MMP19: variants seen among roughly 807,000 people sequenced by gnomAD.
MMP19 encodes the protein matrix metalloproteinase-19.
Under a neutral mutation model 46.6 loss-of-function variants are expected in MMP19, and 47 were observed. The ratio of observed to expected loss-of-function variants is 1.01; its 90% CI spans 0.80 to 1.29. The LOEUF is 1.29. Ranked by LOEUF, MMP19 falls within the 50% of genes most tolerant of loss-of-function variation. MMP19 has a pLI of 0.00. For synonymous variants in MMP19, 222 were observed against 248.5 expected, an observed-to-expected ratio of 0.89 and a Z score of 1.00; for missense variants, 589 against 643.5, an observed-to-expected ratio of 0.92 and a Z score of 0.92.
intron 3 of MMP19, 102 bp from the exon 4 acceptor site, chr12:55,840,984 C>A: frequency 6.5e-7 from 1 of 1,531,546 alleles, no homozygotes; most frequent in Non-Finnish European, 8.8e-7. Flanking sequence ...AGGTGACAAC[C>A]AGGTAATCAC....
rs973401115 is a variant in MMP19 at position 55,838,692 on chromosome 12, GTCTC to G, written c.805_808del (p.Glu269GlnfsTer27). On this transcript the variant is annotated frameshift_variant, in exon 6 of 9. Transcript: ENST00000322569. LOFTEE classifies it high-confidence loss of function. ...CACTGGGGGCACAGTGGGCAGCTCTGTCTCTTCTTCTTCCTCATCCCTTATCACT... is the reference window on the plus strand; with the variant it reads ...CACTGGGGGCACAGTGGGCAGCTCTGTTCTTCTTCCTCATCCCTTATCACT... 3.7e-6 allele frequency: 6 copies of G among 1,611,736 alleles called. No individual in the cohort carries two copies. The Admixed American group carries it at 1.0e-4, about 27-fold the overall frequency.
rs757216738 is a variant in MMP19 at position 55,841,237 on chromosome 12, C to T, written c.174-1G>A. 6.2e-7 allele frequency: 1 copy of T among 1,611,824 alleles called. No homozygotes were observed. The highest frequency in any genetic ancestry group is 1.1e-5 in the South Asian group (1 of 91,070). On this transcript the variant is annotated splice_acceptor_variant, in intron 2 of 8. Coordinates refer to ENST00000322569, the MANE Select transcript of MMP19 (RefSeq NM_002429.6). LOFTEE classifies it high-confidence loss of function. Reference sequence around the variant, plus strand: ...AAGTTCAGATGCTTCCTGAAAAGCTCTGAAGGAGGGAGAGGGATGGGTCTA... The same window carrying T: ...AAGTTCAGATGCTTCCTGAAAAGCTTTGAAGGAGGGAGAGGGATGGGTCTA...
In MMP19 at chr12:55,837,961, A is replaced by G; in HGVS notation, c.942T>C (p.Thr314=). The G allele has an allele frequency of 6.2e-7, 1 of 1,609,442 alleles. No individual in the cohort carries two copies. Among genetic ancestry groups the G allele is most frequent in the Non-Finnish European group, 8.5e-7 (1 of 1,176,214 alleles). The change falls in exon 7 of 9, where the codon ACT becomes ACC. Residue 314 remains threonine (T), a synonymous_variant. Coordinates refer to ENST00000322569, the MANE Select transcript of MMP19 (RefSeq NM_002429.6). Reference sequence around the variant, plus strand: ...AGGGGCCCGGTCCTGAATCTGATACAGTCCACACATAGTCCCCCTTGAAAG... The same window carrying G: ...AGGGGCCCGGTCCTGAATCTGATACGGTCCACACATAGTCCCCCTTGAAAG... The part of the protein sequence containing the change: ...TYAFKGDYVW[T]VSDSGPGPLF...
At chr12:55,837,738 G>A (rs1023957354) in intron 7 of MMP19, 56 bp from the exon 8 acceptor site, 54 of 1,608,212 alleles carry the variant, frequency 3.4e-5, no homozygotes, top group Non-Finnish European at 4.5e-5. Context: ...ATAGCTTTTG[G>A]TCTCCTCCGG....
rs749046078 is a variant in MMP19 at position 55,838,773 on chromosome 12, C to T, written c.767-39G>A. On this transcript the variant is annotated intron_variant, in intron 5 of 8. Coordinates refer to ENST00000322569, the MANE Select transcript of MMP19 (RefSeq NM_002429.6). ...TAATGCTGCTTAGGGAGAGAACTCA[C>T]AGCACCTGTCCTCCACACCAGTCTC... 1.1e-5 allele frequency: 17 copies of T among 1,503,768 alleles called. 1 individual carries two copies. The South Asian group carries it at 1.6e-4, about 14-fold the overall frequency. 93.2% of individuals were successfully genotyped at this position (1,503,768 alleles called of 1,614,324 possible). A position where few individuals can be genotyped will look rare whatever the true frequency, so the allele number is the denominator to read the frequency against.
intron 2 of MMP19, 146 bp from the exon 3 acceptor site, chr12:55,841,382 G>T: frequency 2.4e-6 from 2 of 818,544 alleles, no homozygotes; most frequent in South Asian, 3.4e-5. Context: ...CCAGCCTCCA[G>T]TCCTCATAAC....
chr12:55,841,229 GA>G lies in MMP19; in HGVS notation c.180del (p.Gln61ArgfsTer20), dbSNP rs1414628430. ...GAGACTGGAAGTTCAGATGCTTCCTGAAAAGCTCTGAAGGAGGGAGAGGGAT... is the reference window on the plus strand; with the variant it reads ...GAGACTGGAAGTTCAGATGCTTCCTGAAAGCTCTGAAGGAGGGAGAGGGAT... ...PEDITEALRA[F>X]QEASELPVSG... is the part of the protein sequence containing the mutation. On this transcript the variant is annotated frameshift_variant, in exon 3 of 9. Coordinates refer to ENST00000322569, the MANE Select transcript of MMP19 (RefSeq NM_002429.6). LOFTEE classifies it high-confidence loss of function. 1 of 1,612,540 alleles carries G rather than the reference GA, an allele frequency of 6.2e-7. No individual in the cohort carries two copies. The highest frequency in any genetic ancestry group is 2.2e-5 in the East Asian group (1 of 44,878).
rs1490845884 is a variant in MMP19 at position 55,835,805 on chromosome 12, A to ACCTCCG, written c.*1225_*1230dup. The ACCTCCG allele has an allele frequency of 7.0e-5, 5 of 71,578 alleles. No individual in the cohort carries two copies. The highest frequency in any genetic ancestry group is 1.2e-4 in the Non-Finnish European group (4 of 33,596). The allele number at this position is 71,578 out of a possible 1,614,324, so 4.4% of individuals were successfully genotyped here. ...ATAGGCTTAAACTACCCCCACCCCCACCTCCGCCTCCTACCTCAGCTGGGA... is the reference window on the plus strand; with the variant it reads ...ATAGGCTTAAACTACCCCCACCCCCACCTCCGCCTCCGCCTCCTACCTCAGCTGGGA... On this transcript the variant is annotated 3_prime_UTR_variant, in exon 9 of 9. Transcript: ENST00000322569.
At position 55,840,660 on chromosome 12, in the gene MMP19, T is replaced by G; in HGVS notation, c.520+7A>C. On this transcript the variant is annotated splice_region_variant and intron_variant, in intron 4 of 8. Coordinates refer to ENST00000322569, the MANE Select transcript of MMP19 (RefSeq NM_002429.6). ...CTATGAGGTGGGAACTGAGAACTGT[T>G]GCCTACCAGGCCCATCAAAAGTATT... 6.2e-7 allele frequency: 1 copy of G among 1,611,748 alleles called. No individual in the cohort carries two copies. The highest frequency in any genetic ancestry group is 8.5e-7 in the Non-Finnish European group (1 of 1,178,452).
Position 55,837,314 on chromosome 12 carries a change from G to T in MMP19, c.1249C>A (p.Pro417Thr). Residue 417 changes from proline to threonine, a missense_variant, in exon 9 of 9, where the codon CCA becomes ACA. Coordinates refer to ENST00000322569, the MANE Select transcript of MMP19 (RefSeq NM_002429.6). ...ARTDFSSYPK[P>T]IKGLFTGVPN... ...ACTCCCGTAAACAAACCCTTGATTGGTTTGGGGTAGCTGCTGAAGTCAGTT... is the reference window on the plus strand; with the variant it reads ...ACTCCCGTAAACAAACCCTTGATTGTTTTGGGGTAGCTGCTGAAGTCAGTT... 1 of 1,612,740 alleles carries T rather than the reference G, an allele frequency of 6.2e-7. No homozygotes were observed. The highest frequency in any genetic ancestry group is 1.3e-5 in the African/African-American group (1 of 75,002).
At chr12:55,841,974 A>G (rs983478793) in intron 2 of MMP19, among the ~76,000 whole-genome samples, 9 of 152,238 alleles carry the variant, frequency 5.9e-5, no homozygotes, top group African/African-American at 1.4e-4. Context: ...TTACATCAAC[A>G]TATAAAACTA....
In MMP19 at chr12:55,841,193, C is replaced by T. The variant is rs1009762286; in HGVS notation, c.217G>A (p.Asp73Asn). The T allele has an allele frequency of 1.9e-6, 3 of 1,613,928 alleles. No individual in the cohort carries two copies. Among genetic ancestry groups the T allele is most frequent in the Non-Finnish European group, 2.5e-6 (3 of 1,179,978 alleles). Residue 73 changes from aspartate to asparagine, a missense_variant, in exon 3 of 9, where the codon GAT becomes AAT. Coordinates refer to ENST00000322569, the MANE Select transcript of MMP19 (RefSeq NM_002429.6). ...CTCATGCGGGCCCTTGTGGCATCAT[C>T]CAGCTGACCTGAGACTGGAAGTTCA... ...ASELPVSGQL[D>N]DATRARMRQP...
Position 55,836,899 on chromosome 12 carries a change from A to T in MMP19, c.*137T>A. ...TGAGATCTACGGTCTTGCGCCTGCT[A>T]CAGCACCTGCAAGGTTCTACTGAGC... On this transcript the variant is annotated 3_prime_UTR_variant, in exon 9 of 9. Transcript: ENST00000322569. 1.3e-6 allele frequency: 1 copy of T among 791,872 alleles called. No individual in the cohort carries two copies. The highest frequency in any genetic ancestry group is 2.0e-6 in the Non-Finnish European group (1 of 501,956). 49.1% of individuals were successfully genotyped at this position (791,872 alleles called of 1,614,324 possible). A position where few individuals can be genotyped will look rare whatever the true frequency, so the allele number is the denominator to read the frequency against.
rs1463382934 is a variant in MMP19, at chr12:55,836,548, A to G, written c.*488T>C. 1 of 154,058 alleles carries G rather than the reference A, an allele frequency of 6.5e-6. No individual in the cohort carries two copies. Among genetic ancestry groups the G allele is most frequent in the East Asian group, 1.9e-4 (1 of 5,204 alleles). The allele number at this position is 154,058 out of a possible 1,614,324, so 9.5% of individuals were successfully genotyped here. On this transcript the variant is annotated 3_prime_UTR_variant, in exon 9 of 9. Coordinates refer to ENST00000322569, the MANE Select transcript of MMP19 (RefSeq NM_002429.6). ...GTACTGGTCTTAACCTAATGTTGCA[A>G]ATGGGGAATCTGAGATTCAACAAGG...
intron 5 of MMP19, 74 bp downstream of exon 5, chr12:55,839,422 G>A: frequency 6.6e-7 from 1 of 1,520,942 alleles, no homozygotes; most frequent in Non-Finnish European, 8.9e-7. Flanking sequence ...CCTACATGGA[G>A]GCTAGACCTG....
Position 55,837,261 on chromosome 12 carries a change from A to G in MMP19, c.1302T>C (p.Ser434=), listed in dbSNP as rs1881295763. The stretch of plus-strand genomic sequence containing the variant: ...AGAAGTAGACTCGGCCATCTTGCCA[A>G]CTCATAGCAGCCGAGGGCTGGTTTG... ...GVPNQPSAAM[S]WQDGRVYFFK... Residue 434 remains serine (S), a synonymous_variant, in exon 9 of 9, where the codon AGT becomes AGC. Transcript: ENST00000322569. 6.2e-7 allele frequency: 1 copy of G among 1,614,056 alleles called. No individual in the cohort carries two copies. The highest frequency in any genetic ancestry group is 8.5e-7 in the Non-Finnish European group (1 of 1,180,040).
At chr12:55,839,372 G>A in intron 5 of MMP19, 124 bp downstream of exon 5, 2 of 1,237,650 alleles carry the variant, frequency 1.6e-6, no homozygotes, top group South Asian at 1.7e-5. Context: ...AGAAGCCTGA[G>A]TAACTGGGCT....
At position 55,835,793 on chromosome 12, in the gene MMP19, AC is replaced by A. The variant is rs1160071235; in HGVS notation, c.*1242del. On this transcript the variant is annotated 3_prime_UTR_variant, in exon 9 of 9. Coordinates refer to ENST00000322569, the MANE Select transcript of MMP19 (RefSeq NM_002429.6). ...CCCCTGGGCCCCATAGGCTTAAACTACCCCCACCCCCACCTCCGCCTCCTAC... is the reference window on the plus strand; with the variant it reads ...CCCCTGGGCCCCATAGGCTTAAACTACCCCACCCCCACCTCCGCCTCCTAC... 4.0e-5 allele frequency: 6 copies of A among 149,478 alleles called. No individual in the cohort carries two copies. The highest frequency in any genetic ancestry group is 7.4e-5 in the Non-Finnish European group (5 of 67,426). The allele number at this position is 149,478 out of a possible 1,614,324, so 9.3% of individuals were successfully genotyped here.
Position 55,837,003 on chromosome 12 carries a change from T to G in MMP19, c.*33A>C. 6.6e-7 allele frequency: 1 copy of G among 1,514,016 alleles called. No individual in the cohort carries two copies. The highest frequency in any genetic ancestry group is 8.9e-7 in the Non-Finnish European group (1 of 1,125,184). 93.8% of individuals were successfully genotyped at this position (1,514,016 alleles called of 1,614,324 possible). ...AGGGTGGGTGGTGGAGCCTCAGGGG[T>G]TAATGTCCAAGATTGTGTCTGTGGG... On this transcript the variant is annotated 3_prime_UTR_variant, in exon 9 of 9. Transcript: ENST00000322569.
Sources: allele counts gnomAD v4.1 joint callset (sites outside exome capture counted in the v4.1 genomes callset), GRCh38; gene constraint gnomAD v4.1.1; transcripts MANE v1.5; gene names NCBI Gene and HGNC (gene_info 2026-07-23, HGNC 2026-07-21).